ZNF786: variants seen among roughly 807,000 people sequenced by gnomAD.
ZNF786 encodes the protein zinc finger protein 786.
ZNF786 carries 56 observed loss-of-function variants against 63.1 expected under a neutral mutation model. The observed-to-expected ratio is 0.89, with a 90% CI of 0.72 to 1.11. The LOEUF (loss-of-function observed/expected upper bound fraction) is 1.11, where lower values mean the gene tolerates loss of function less well. Ranked by LOEUF, ZNF786 falls within the 50% of genes least tolerant of loss-of-function variation. The pLI is 0.00. For synonymous variants in ZNF786, 485 were observed against 406.9 expected (o/e 1.19, Z -2.31); for missense variants, 1,213 against 1,041.8 (o/e 1.16, Z -2.26).
In ZNF786 at chr7:149,074,516, T is replaced by C; in HGVS notation, c.168A>G (p.Glu56=). ...CCCCGTGTTCAATCCAGGATATTAG[T>C]TCTGGTTTTGGAAGTCCATCATCTG... ...VSLDDGLPKP[E]LISWIEHGGE... is the part of the protein sequence containing the mutation. The change falls in exon 3 of 4, where the codon GAA becomes GAG. Residue 56 remains glutamate (E), a synonymous_variant. Coordinates refer to ENST00000491431, the MANE Select transcript of ZNF786 (RefSeq NM_152411.4). The C allele has an allele frequency of 6.2e-7, 1 of 1,613,858 alleles. No individual in the cohort carries two copies. Among genetic ancestry groups the C allele is most frequent in the Non-Finnish European group, 8.5e-7 (1 of 1,179,832 alleles).
intron 2 of ZNF786, among the ~76,000 whole-genome samples, chr7:149,078,427 G>A (rs981306705): frequency 6.6e-6 from 1 of 152,072 alleles, no homozygotes; most frequent in Non-Finnish European, 1.5e-5. Context: ...GCTCATGCCT[G>A]TAATCCCAGC....
chr7:149,075,657 T>TTTTTG (rs1825533093), intron 2 of ZNF786, among the ~76,000 whole-genome samples: 1 of 100,916 alleles, frequency 9.9e-6, no homozygotes, highest in Non-Finnish European at 2.0e-5. Context: ...CACTTCAGGT[T>TTTTTG]TTTTTTTTTT....
intron 1 of ZNF786, among the ~76,000 whole-genome samples, chr7:149,088,791 C>T (rs1825777915): frequency 6.6e-6 from 1 of 152,134 alleles, no homozygotes; most frequent in African/African-American, 2.4e-5. Context: ...CATTCTCCTT[C>T]CTTTGTAAAG....
chr7:149,070,723 C>T lies in ZNF786; in HGVS notation c.2049G>A (p.Lys683=), dbSNP rs780603079. Residue 683 remains lysine (K), a synonymous_variant, in exon 4 of 4, where the codon AAG becomes AAA. Transcript: ENST00000491431. ...GCAGCTGCGCCTTCAGGCGGAAACT[C>T]TTGTCACACTTGGGACACTGAAAAG... The part of the protein sequence containing the change: ...EKPFQCPKCD[K]SFRLKAQLLS... The T allele has an allele frequency of 6.2e-7, 1 of 1,613,794 alleles. No homozygotes were observed. The highest frequency in any genetic ancestry group is 1.1e-5 in the South Asian group (1 of 91,084).
Position 149,072,001 on chromosome 7 carries a change from G to T in ZNF786, c.771C>A (p.Arg257=), listed in dbSNP as rs1392382542. The change falls in exon 4 of 4, where the codon CGC becomes CGA. Residue 257 remains arginine, a synonymous_variant. Coordinates refer to ENST00000491431, the MANE Select transcript of ZNF786 (RefSeq NM_152411.4). ...KSFRRKLCLL[R]HLAAHTGRGP... is the part of the protein sequence containing the mutation. ...CCCTCCCCGTGTGGGCCGCCAGATG[G>T]CGCAGCAGACACAGCTTCCGGCGGA... is the stretch of plus-strand genomic sequence containing the variant. 1 of 1,612,804 alleles carries T rather than the reference G, an allele frequency of 6.2e-7. No individual in the cohort carries two copies. The highest frequency in any genetic ancestry group is 8.5e-7 in the Non-Finnish European group (1 of 1,179,872).
intron 1 of ZNF786, 75 bp from the exon 2 acceptor site, chr7:149,080,792 T>C: frequency 6.6e-7 from 1 of 1,513,054 alleles, no homozygotes; most frequent in Non-Finnish European, 8.8e-7. Flanking sequence ...CTTGTTAATT[T>C]AAAAGACTTC....
intron 1 of ZNF786, among the ~76,000 whole-genome samples, chr7:149,089,173 C>T (rs1015040909): frequency 6.6e-6 from 1 of 151,950 alleles, no homozygotes; most frequent in African/African-American, 2.4e-5. Context: ...AGGATGGTCT[C>T]GATCTCCTGA....
intron 1 of ZNF786, chr7:149,081,077 T>A: frequency 2.2e-6 from 1 of 459,506 alleles, no homozygotes; most frequent in Non-Finnish European, 4.3e-6. Context: ...TTTGGTAAAG[T>A]CGCACTATAT....
intron 2 of ZNF786, among the ~76,000 whole-genome samples, chr7:149,080,031 G>A (rs1429131829): frequency 6.6e-6 from 1 of 151,854 alleles, no homozygotes; most frequent in African/African-American, 2.4e-5. Context: ...AATTAGCCGG[G>A]CATGGCAGCA....
intron 1 of ZNF786, among the ~76,000 whole-genome samples, chr7:149,083,984 A>G (rs922091264): frequency 1.3e-5 from 2 of 152,202 alleles, no homozygotes; most frequent in African/African-American, 2.4e-5. Context: ...TAGTGCTGCA[A>G]TGAACATATG....
In ZNF786 at chr7:149,072,076, G is replaced by T. The variant is rs766836242; in HGVS notation, c.696C>A (p.Ser232Arg). The change falls in exon 4 of 4, where the codon AGC (serine) becomes AGA (arginine). Residue 232 changes from serine to arginine, a missense_variant. Physicochemically the swap from Ser to Arg is moderately radical, Grantham distance 110 (BLOSUM62 -1). Coordinates refer to ENST00000491431, the MANE Select transcript of ZNF786 (RefSeq NM_152411.4). ...NKRAETQMPW[S>R]SPRVQRHFRC... ...GGAAGTGCCTCTGTACCCGAGGGCT[G>T]CTCCACGGCATCTGCGTCTCCGCCC... 41 of 1,613,062 alleles carry T rather than the reference G, an allele frequency of 2.5e-5. No homozygotes were observed. The highest frequency in any genetic ancestry group is 2.7e-5 in the Non-Finnish European group (32 of 1,179,710).
intron 1 of ZNF786, among the ~76,000 whole-genome samples, chr7:149,081,782 G>T (rs535791173): frequency 6.6e-5 from 10 of 151,854 alleles, no homozygotes; most frequent in Non-Finnish European, 1.3e-4. Context: ...AGAAATAAAG[G>T]GTATCCAAAT....
In ZNF786 at chr7:149,072,527, G is replaced by A. The variant is rs76997036; in HGVS notation, c.299-54C>T. On this transcript the variant is annotated intron_variant, in intron 3 of 3. Transcript: ENST00000491431. ...TATTCCTGTCTGCAGCACTACTAGC[G>A]ATTCTCACAGTCAAGTGACCCACAA... 3.4e-4 allele frequency: 504 copies of A among 1,479,114 alleles called. No homozygotes were observed. The African/African-American group carries it at 6.2e-3, about 18-fold the overall frequency. 91.6% of individuals were successfully genotyped at this position (1,479,114 alleles called of 1,614,324 possible).
At chr7:149,074,926 G>A (rs1055945473) in intron 2 of ZNF786, among the ~76,000 whole-genome samples, 14 of 151,796 alleles carry the variant, frequency 9.2e-5, no homozygotes, top group Middle Eastern at 3.4e-3. Context: ...CTGTAGCCTC[G>A]GCTTCCTGGG....
In ZNF786 at chr7:149,071,706, C is replaced by T. The variant is rs889577060; in HGVS notation, c.1066G>A (p.Gly356Arg). ...CCATGCTGCAGCGCCTCCGTGTCCC[C>T]TTCCTGGTGGCTGTTCCCCTCCTGG... ...LPQEGNSHQE[G>R]DTEALQHGAE... The change falls in exon 4 of 4, where the codon GGG becomes AGG. Residue 356 changes from glycine (G) to arginine (R), a missense_variant. Coordinates refer to ENST00000491431, the MANE Select transcript of ZNF786 (RefSeq NM_152411.4). 6 of 1,577,792 alleles carry T rather than the reference C, an allele frequency of 3.8e-6. No homozygotes were observed. The African/African-American group carries it at 6.7e-5, about 18-fold the overall frequency.
chr7:149,073,766 T>C (rs1308248530), intron 3 of ZNF786, among the ~76,000 whole-genome samples: 6 of 110,252 alleles, frequency 5.4e-5, no homozygotes, highest in African/African-American at 1.9e-4. Context: ...TATATATATA[T>C]ATATATATAT....
intron 1 of ZNF786, among the ~76,000 whole-genome samples, chr7:149,081,731 A>G (rs981482190): frequency 6.6e-6 from 1 of 152,186 alleles, no homozygotes; most frequent in Admixed American, 6.6e-5. Context: ...AATTTACATT[A>G]TAAGGCTGGA....
At chr7:149,081,343 G>A in intron 1 of ZNF786, 1 of 344,878 alleles carries the variant, frequency 2.9e-6, no homozygotes. Flanking sequence ...GGCTGAGGCA[G>A]GAGAATTGCT....
At chr7:149,072,567 G>C (rs915054087) in intron 3 of ZNF786, 94 bp from the exon 4 acceptor site, 1 of 1,400,536 alleles carries the variant, frequency 7.1e-7, no homozygotes, top group Non-Finnish European at 9.4e-7. Flanking sequence ...GCCTTGTGGT[G>C]GCCTGGGAAC....
Sources: allele counts gnomAD v4.1 joint callset (sites outside exome capture counted in the v4.1 genomes callset), GRCh38; gene constraint gnomAD v4.1.1; transcripts MANE v1.5; gene names NCBI Gene and HGNC (gene_info 2026-07-23, HGNC 2026-07-21).